TNIK: variants seen among roughly 807,000 people sequenced by gnomAD.
The protein encoded by TNIK is TRAF2 and NCK interacting kinase.
TNIK carries 49 observed loss-of-function variants against 191.3 expected under a neutral mutation model. The observed-to-expected ratio is 0.26, with a 90% CI of 0.20 to 0.32. TNIK has a LOEUF of 0.32. Among genes scored for constraint, TNIK ranks in the 10% least tolerant of loss-of-function variants. The pLI is 1.00. For missense variants in TNIK, 1,155 were observed against 1,702.3 expected (o/e 0.68, Z 5.66); for synonymous variants, 594 against 600.9 (o/e 0.99, Z 0.17).
At chr3:171,264,101 CACACACACACAT>C (rs1201275313) in intron 2 of TNIK, among the ~76,000 whole-genome samples, 13 of 78,448 alleles carry the variant, frequency 1.7e-4, no homozygotes, top group African/African-American at 4.4e-4. Context: ...CACACACACA[CACACACACACAT>C]ATATATATAT....
At chr3:171,086,911 C>T (rs991205958) in intron 24 of TNIK, among the ~76,000 whole-genome samples, 2 of 152,154 alleles carry the variant, frequency 1.3e-5, no homozygotes, top group African/African-American at 4.8e-5. Context: ...TTTTATTTTT[C>T]ATAAACAAAT....
At chr3:171,412,182 G>T (rs1183919443) in intron 1 of TNIK, among the ~76,000 whole-genome samples, 1 of 152,178 alleles carries the variant, frequency 6.6e-6, no homozygotes, top group Non-Finnish European at 1.5e-5. Flanking sequence ...GGAATGACAG[G>T]CAGACATCAA....
At chr3:171,292,964 G>A (rs79432416) in intron 2 of TNIK, among the ~76,000 whole-genome samples, 492 of 151,984 alleles carry the variant, frequency 3.2e-3, no homozygotes, top group Non-Finnish European at 5.5e-3. Context: ...TCACAACTTC[G>A]GCTGCCCTGT....
At chr3:171,083,249 G>A (rs1720915292) in intron 26 of TNIK, among the ~76,000 whole-genome samples, 1 of 152,144 alleles carries the variant, frequency 6.6e-6, no homozygotes, top group African/African-American at 2.4e-5. Context: ...CAACACAAAT[G>A]TCTGCTTTTT....
chr3:171,138,139 CATT>C (rs1306931067), intron 15 of TNIK, 49 bp downstream of exon 15: 2 of 1,479,756 alleles, frequency 1.4e-6, no homozygotes, highest in African/African-American at 2.8e-5. Context: ...CACACAAACT[CATT>C]AGAGTCAAAA....
chr3:171,287,065 T>C (rs1227000728), intron 2 of TNIK, among the ~76,000 whole-genome samples: 6 of 152,222 alleles, frequency 3.9e-5, no homozygotes, highest in African/African-American at 1.4e-4. Flanking sequence ...CTTTGTGGTA[T>C]TGTTTCCAAG....
At chr3:171,104,666 A>AACT in intron 21 of TNIK, among the ~76,000 whole-genome samples, 1 of 152,022 alleles carries the variant, frequency 6.6e-6, no homozygotes, top group Non-Finnish European at 1.5e-5. Context: ...TATTCAAATA[A>AACT]ATATTAGTTC....
intron 2 of TNIK, among the ~76,000 whole-genome samples, chr3:171,344,607 A>G (rs1309829730): frequency 6.6e-6 from 1 of 152,208 alleles, no homozygotes. Context: ...CAGAATTGTG[A>G]AAGTGACAGG....
At chr3:171,290,035 G>A (rs918332699) in intron 2 of TNIK, among the ~76,000 whole-genome samples, 1 of 152,020 alleles carries the variant, frequency 6.6e-6, no homozygotes, top group Non-Finnish European at 1.5e-5. Flanking sequence ...TGGAAAAAAC[G>A]AATAATTTTG....
intron 32 of TNIK, 78 bp downstream of exon 32, chr3:171,066,109 A>G: frequency 6.4e-7 from 1 of 1,553,372 alleles, no homozygotes. Flanking sequence ...AATCAGTATA[A>G]AGGAAAATGA....
rs1450078172 is a variant in TNIK, at chr3:171,159,007, G to C, written c.1017-1343C>G. On this transcript the variant is annotated intron_variant, in intron 11 of 32. Coordinates refer to ENST00000436636, the MANE Select transcript of TNIK (RefSeq NM_015028.4). This position sits in a 1 kb window ranked among gnomAD's most constrained non-coding sequence, Gnocchi z 4.1. ...TGAGAGGGAGAAGGGTATGAGAGGA[G>C]GTCAGAGAGATAGGTGCGGGGCCGC... Among the ~76,000 whole-genome samples the C allele has an allele frequency of 6.6e-6, 1 of 152,164 alleles. No homozygotes were observed. Among genetic ancestry groups the C allele is most frequent in the Admixed American group, 6.5e-5 (1 of 15,280 alleles).
chr3:171,247,305 A>G (rs1745699633), intron 2 of TNIK, among the ~76,000 whole-genome samples: 1 of 152,246 alleles, frequency 6.6e-6, no homozygotes, highest in African/African-American at 2.4e-5. Context: ...GATCTGAAAC[A>G]AAGGCTGGCA....
At chr3:171,066,406 C>T in intron 31 of TNIK, 80 bp from the exon 32 acceptor site, 1 of 1,537,638 alleles carries the variant, frequency 6.5e-7, no homozygotes, top group Non-Finnish European at 8.8e-7. Context: ...ATCTTAACCA[C>T]AAAAATGACA....
intron 12 of TNIK, among the ~76,000 whole-genome samples, chr3:171,144,563 G>A (rs991208859): frequency 6.6e-6 from 1 of 152,186 alleles, no homozygotes; most frequent in Non-Finnish European, 1.5e-5. Flanking sequence ...TATAAATTAT[G>A]TAATGATCAA....
At chr3:171,226,547 C>T (rs35178022) in intron 3 of TNIK, among the ~76,000 whole-genome samples, 5 of 152,042 alleles carry the variant, frequency 3.3e-5, no homozygotes, top group Admixed American at 3.3e-4. Flanking sequence ...TGTTATTTAG[C>T]GTTTTCTTAA....
chr3:171,121,794 C>T (rs1415519120), intron 18 of TNIK, among the ~76,000 whole-genome samples: 1 of 152,188 alleles, frequency 6.6e-6, no homozygotes, highest in African/African-American at 2.4e-5. Flanking sequence ...CTGATTTACA[C>T]CTTAAATGCT....
Position 171,143,675 on chromosome 3 carries a change from G to T in TNIK, c.1222-3166C>A, listed in dbSNP as rs907331412. On this transcript the variant is annotated intron_variant, in intron 12 of 32. Coordinates refer to ENST00000436636, the MANE Select transcript of TNIK (RefSeq NM_015028.4). ...GCAATCTAGATTGAAAGCCGTGTGT[G>T]GGCAAGATCTCTGTTCCACTTGTTT... Among the ~76,000 whole-genome samples the T allele has an allele frequency of 2.0e-5, 3 of 152,194 alleles. No homozygotes were observed. The East Asian group carries it at 5.8e-4, about 29-fold the overall frequency.
intron 2 of TNIK, among the ~76,000 whole-genome samples, chr3:171,321,727 G>A (rs898492606): frequency 2.6e-5 from 4 of 152,152 alleles, no homozygotes; most frequent in Admixed American, 6.5e-5. Flanking sequence ...CACACCAGGC[G>A]GGAAGGGAAT....
intron 25 of TNIK, 62 bp from the exon 26 acceptor site, chr3:171,084,387 C>T (rs1721079723): frequency 6.6e-7 from 1 of 1,517,208 alleles, no homozygotes; most frequent in Non-Finnish European, 9.0e-7. Flanking sequence ...GGAGATGGGG[C>T]TTCAAAACAC....
Sources: allele counts gnomAD v4.1 joint callset (sites outside exome capture counted in the v4.1 genomes callset), GRCh38; gene constraint gnomAD v4.1.1; non-coding constraint Gnocchi (gnomAD v3.1); transcripts MANE v1.5; gene names NCBI Gene and HGNC (gene_info 2026-07-23, HGNC 2026-07-21).